PLCL1: variants seen among roughly 807,000 people sequenced by gnomAD.
The protein encoded by PLCL1 is inactive phospholipase C-like protein 1.
Under a neutral mutation model 84.4 loss-of-function variants are expected in PLCL1, and 41 were observed. The observed-to-expected ratio is 0.49, with a 90% CI of 0.38 to 0.63. PLCL1 has a LOEUF of 0.63. Among genes scored for constraint, PLCL1 ranks in the 30% least tolerant of loss-of-function variants. The pLI is 0.00. For missense variants in PLCL1, 1,206 were observed against 1,367.8 expected (o/e 0.88, Z 1.87); for synonymous variants, 490 against 488.3 (o/e 1.00, Z -0.05).
intron 1 of PLCL1, among the ~76,000 whole-genome samples, chr2:197,869,451 A>C (rs1418940403): frequency 6.6e-6 from 1 of 151,854 alleles, no homozygotes; most frequent in Non-Finnish European, 1.5e-5. Context: ...TAACTTTTTC[A>C]CTTTGTATAG....
chr2:198,099,043 G>A (rs1693266463), intron 3 of PLCL1, among the ~76,000 whole-genome samples: 2 of 152,122 alleles, frequency 1.3e-5, no homozygotes, highest in Admixed American at 6.6e-5. Context: ...ATATTCATGT[G>A]ACAGAACCAG....
intron 1 of PLCL1, among the ~76,000 whole-genome samples, chr2:197,831,676 G>A (rs1559018601): frequency 6.6e-6 from 1 of 152,056 alleles, no homozygotes; most frequent in African/African-American, 2.4e-5. Flanking sequence ...AGCCCTAATA[G>A]ACATCTACAG....
chr2:198,024,947 C>A (rs1263809676), intron 1 of PLCL1, among the ~76,000 whole-genome samples: 1 of 151,748 alleles, frequency 6.6e-6, no homozygotes, highest in East Asian at 1.9e-4. Flanking sequence ...TTTGAGATTT[C>A]TCTGTGGTTC....
intron 5 of PLCL1, among the ~76,000 whole-genome samples, chr2:198,123,304 G>GAAC (rs1693914099): frequency 6.6e-6 from 1 of 151,994 alleles, no homozygotes; most frequent in Non-Finnish European, 1.5e-5. Flanking sequence ...CATTAGGAGG[G>GAAC]GTTGACTGTT....
At position 197,966,197 on chromosome 2, in the gene PLCL1, A is replaced by C. The variant is rs573880623; in HGVS notation, c.241-117561A>C. Among the ~76,000 whole-genome samples, 9 of 151,864 alleles carry C rather than the reference A, an allele frequency of 5.9e-5. No homozygotes were observed. The South Asian group carries it at 1.9e-3, about 32-fold the overall frequency. The stretch of plus-strand genomic sequence containing the variant: ...CCTCTCCACTCCTCAAGCAGAAGGA[A>C]GGAGTCTCTTTTGGAGCTGTGAGCT... On this transcript the variant is annotated intron_variant, in intron 1 of 5. Transcript: ENST00000428675.
chr2:197,846,603 C>A (rs1687124103), intron 1 of PLCL1, among the ~76,000 whole-genome samples: 1 of 152,052 alleles, frequency 6.6e-6, no homozygotes, highest in African/African-American at 2.4e-5. Flanking sequence ...AGGATAGAGT[C>A]CCCTAAACCT....
intron 1 of PLCL1, among the ~76,000 whole-genome samples, chr2:197,974,318 T>C (rs946171175): frequency 1.3e-5 from 2 of 152,232 alleles, no homozygotes; most frequent in South Asian, 2.1e-4. Context: ...TTGGGAACCA[T>C]TGGCATGGAT....
intron 1 of PLCL1, among the ~76,000 whole-genome samples, chr2:197,937,510 C>T (rs186404120): frequency 6.8e-4 from 103 of 152,030 alleles, no homozygotes; most frequent in African/African-American, 2.5e-3. Flanking sequence ...AAAATTATTC[C>T]TAAGTATTTT....
At chr2:197,947,167 A>C (rs1689292249) in intron 1 of PLCL1, among the ~76,000 whole-genome samples, 1 of 151,586 alleles carries the variant, frequency 6.6e-6, no homozygotes, top group Non-Finnish European at 1.5e-5. Flanking sequence ...AAAAATTAAG[A>C]ATTTCAGATG....
At chr2:197,901,682 G>A (rs1688271482) in intron 1 of PLCL1, among the ~76,000 whole-genome samples, 1 of 152,208 alleles carries the variant, frequency 6.6e-6, no homozygotes, top group Non-Finnish European at 1.5e-5. Flanking sequence ...GCAATTTGAA[G>A]TGAAGACATC....
intron 1 of PLCL1, among the ~76,000 whole-genome samples, chr2:198,024,785 C>G (rs187395785): frequency 2.0e-5 from 3 of 151,030 alleles, no homozygotes; most frequent in Admixed American, 2.0e-4. Flanking sequence ...ACAATTACTA[C>G]GAGTGGTACC....
At chr2:197,983,334 G>A (rs1690157495) in intron 1 of PLCL1, among the ~76,000 whole-genome samples, 1 of 148,738 alleles carries the variant, frequency 6.7e-6, no homozygotes. Context: ...GGCTCAAGTG[G>A]TCTTCTCATC....
rs1196556586 is a variant in PLCL1 at position 197,897,173 on chromosome 2, TCTTCTTCTTCTTCTTCTC to T, written c.240+91840_240+91857del. Among the ~76,000 whole-genome samples, 53 of 51,736 alleles carry T rather than the reference TCTTCTTCTTCTTCTTCTC, an allele frequency of 1.0e-3. 1 individual carries two copies. Among genetic ancestry groups the T allele is most frequent in the African/African-American group, 1.8e-3 (19 of 10,596 alleles). The allele number at this position is 51,736 out of a possible 152,430, so 33.9% of individuals were successfully genotyped here. ...TTCTTCTTCTTCTTCTTCTTCTTCT[TCTTCTTCTTCTTCTTCTC>T]CTTCTCCTTCTTCTTTCTTCTTCCT... On this transcript the variant is annotated intron_variant, in intron 1 of 5. Transcript: ENST00000428675.
chr2:197,927,829 G>T (rs888437411), intron 1 of PLCL1, among the ~76,000 whole-genome samples: 4 of 152,114 alleles, frequency 2.6e-5, no homozygotes, highest in Admixed American at 2.6e-4. Flanking sequence ...AGGTTATATT[G>T]TTTCTCAGGA....
At chr2:197,878,908 C>G (rs1403716320) in intron 1 of PLCL1, among the ~76,000 whole-genome samples, 3 of 152,194 alleles carry the variant, frequency 2.0e-5, no homozygotes, top group African/African-American at 7.2e-5. Context: ...TTATTTGGCC[C>G]ATGCAGTGCT....
chr2:197,975,135 G>A (rs1357369142), intron 1 of PLCL1, among the ~76,000 whole-genome samples: 1 of 114,998 alleles, frequency 8.7e-6, no homozygotes, highest in East Asian at 2.7e-4. Flanking sequence ...GCGACAGAGC[G>A]AGACTCCATC....
Position 198,088,033 on chromosome 2 carries a change from T to C in PLCL1, c.2716-825T>C, listed in dbSNP as rs1294339649. 2.6e-5 allele frequency among the ~76,000 whole-genome samples: 4 copies of C among 152,328 alleles called. No homozygotes were observed. The South Asian group carries it at 6.2e-4, about 24-fold the overall frequency. ...ATTCTAGTACTATTATAAATCCCTATGTTAGATTAGTTATAAACCATTTCT... is the reference window on the plus strand; with the variant it reads ...ATTCTAGTACTATTATAAATCCCTACGTTAGATTAGTTATAAACCATTTCT... On this transcript the variant is annotated intron_variant, in intron 2 of 5. Transcript: ENST00000428675.
chr2:198,076,591 A>C (rs1476170717), intron 1 of PLCL1, among the ~76,000 whole-genome samples: 1 of 152,164 alleles, frequency 6.6e-6, no homozygotes, highest in East Asian at 1.9e-4. Context: ...CCAGTGGTTT[A>C]CTTGGGTTAT....
intron 1 of PLCL1, among the ~76,000 whole-genome samples, chr2:197,813,115 C>T (rs866369885): frequency 8.5e-5 from 13 of 152,088 alleles, no homozygotes; most frequent in Non-Finnish European, 1.0e-4. Context: ...CTCTAAGCCT[C>T]CCTTGGCTCA....
Sources: allele counts gnomAD v4.1 joint callset (sites outside exome capture counted in the v4.1 genomes callset), GRCh38; gene constraint gnomAD v4.1.1; transcripts MANE v1.5; gene names NCBI Gene and HGNC (gene_info 2026-07-23, HGNC 2026-07-21).